Variants in AGAP1 observed in about 807,000 individuals in gnomAD.
AGAP1 encodes arf-GAP with GTPase, ANK repeat and PH domain-containing protein 1.
AGAP1 carries 29 observed loss-of-function variants against 105.3 expected under a neutral mutation model. The ratio of observed to expected loss-of-function variants is 0.28; its 90% confidence interval spans 0.21 to 0.38. AGAP1 has a LOEUF of 0.38. Among genes scored for constraint, AGAP1 ranks in the 10% least tolerant of loss-of-function variants. AGAP1 has a pLI of 1.00. For synonymous variants in AGAP1, 509 were observed against 485.9 expected, an observed-to-expected ratio of 1.05 and a Z score of -0.63; for missense variants, 998 against 1,165.1, an observed-to-expected ratio of 0.86 and a Z score of 2.09.
At chr2:235,726,750 T>C (rs1463217239) in intron 3 of AGAP1, among the ~76,000 whole-genome samples, 1 of 152,184 alleles carries the variant, frequency 6.6e-6, no homozygotes, top group Non-Finnish European at 1.5e-5. Context: ...CAATGCTCTT[T>C]TGGTTGCATG....
In AGAP1 at chr2:236,048,278, A is replaced by T. The variant is rs1319590819; in HGVS notation, c.1892-781A>T. On this transcript the variant is annotated intron_variant, in intron 15 of 17. Transcript: ENST00000304032. ...CTGATGATGCCAGCCAGTTTCACGC[A>T]GTGAGTGCTCCAGTTCTGGGGTCCC... Among the ~76,000 whole-genome samples the T allele has an allele frequency of 7.2e-5, 11 of 152,226 alleles. No homozygotes were observed. The East Asian group carries it at 1.9e-3, about 27-fold the overall frequency.
chr2:235,774,186 A>C (rs1456188629), intron 6 of AGAP1: 1 of 379,734 alleles, frequency 2.6e-6, no homozygotes, highest in African/African-American at 2.1e-5. Context: ...GATATTATAG[A>C]CATTTCTTCT....
chr2:235,947,319 A>C (rs1473698842), intron 12 of AGAP1, among the ~76,000 whole-genome samples: 1 of 152,180 alleles, frequency 6.6e-6, no homozygotes, highest in Non-Finnish European at 1.5e-5. Flanking sequence ...GTCAGAGCAT[A>C]CCATGTTTGG....
intron 13 of AGAP1, among the ~76,000 whole-genome samples, chr2:236,017,467 G>A (rs2056745069): frequency 1.3e-5 from 1 of 75,464 alleles, no homozygotes; most frequent in Admixed American, 9.9e-5. Flanking sequence ...TTAACCTCAC[G>A]TCGTGTTACA....
chr2:236,070,377 A>G (rs2058465158), intron 16 of AGAP1, among the ~76,000 whole-genome samples: 1 of 152,208 alleles, frequency 6.6e-6, no homozygotes, highest in African/African-American at 2.4e-5. Flanking sequence ...CTATAAAGTT[A>G]TGAGTTCCTC....
chr2:235,970,284 T>G lies in AGAP1; in HGVS notation c.1645+1661T>G, dbSNP rs1575927439. ...GATAATCCCATTAAGTCAGCGATGG[T>G]GGAAAATAATGGTTATGGGTCAGAG... On this transcript the variant is annotated intron_variant, in intron 13 of 17. Coordinates refer to ENST00000304032, the MANE Select transcript of AGAP1 (RefSeq NM_001037131.3). The surrounding 1 kb of genome is among the most constrained non-coding windows in gnomAD (Gnocchi z 5.4). 6.8e-6 allele frequency among the ~76,000 whole-genome samples: 1 copy of G among 147,122 alleles called. No individual in the cohort carries two copies. The highest frequency in any genetic ancestry group is 1.5e-5 in the Non-Finnish European group (1 of 66,972).
intron 1 of AGAP1, among the ~76,000 whole-genome samples, chr2:235,538,427 ATGTGTGTGTGTGTGTGTG>A (rs57515821): frequency 2.2e-4 from 30 of 135,334 alleles, no homozygotes; most frequent in Non-Finnish European, 4.1e-4. Flanking sequence ...CTCAGCCACT[ATGTGTGTGTGTGTGTGTG>A]TGTGTGTGTG....
At chr2:235,654,785 A>G (rs1273634640) in intron 1 of AGAP1, among the ~76,000 whole-genome samples, 1 of 152,194 alleles carries the variant, frequency 6.6e-6, no homozygotes, top group Admixed American at 6.5e-5. Context: ...AAAGGTCTCC[A>G]TCACTAGTCT....
At position 235,787,363 on chromosome 2, in the gene AGAP1, A is replaced by G. The variant is rs1217893257; in HGVS notation, c.674-10396A>G. 6.6e-6 allele frequency among the ~76,000 whole-genome samples: 1 copy of G among 152,204 alleles called. No homozygotes were observed. The highest frequency in any genetic ancestry group is 2.4e-5 in the African/African-American group (1 of 41,442). ...TAAGTGCCTCTTCTATGTCTGTGCA[A>G]CATTCATTAATTTCTCAGTATTTCC... On this transcript the variant is annotated intron_variant, in intron 6 of 17. Coordinates refer to ENST00000304032, the MANE Select transcript of AGAP1 (RefSeq NM_001037131.3). This position sits in a 1 kb window ranked among gnomAD's most constrained non-coding sequence, Gnocchi z 4.4.
At chr2:235,541,738 C>CT (rs1943449282) in intron 1 of AGAP1, among the ~76,000 whole-genome samples, 1 of 152,166 alleles carries the variant, frequency 6.6e-6, no homozygotes, top group South Asian at 2.1e-4. Context: ...ATCTGAATCT[C>CT]TATCTCATTA....
chr2:235,504,095 G>A (rs1202909024), intron 1 of AGAP1, among the ~76,000 whole-genome samples: 1 of 151,840 alleles, frequency 6.6e-6, no homozygotes, highest in East Asian at 1.9e-4. Context: ...TGTTGCCTTG[G>A]CCTCCCTAAG....
At position 236,040,710 on chromosome 2, in the gene AGAP1, G is replaced by T; in HGVS notation, c.1801-41G>T. 2 of 1,599,474 alleles carry T rather than the reference G, an allele frequency of 1.3e-6. No homozygotes were observed. Among genetic ancestry groups the T allele is most frequent in the Non-Finnish European group, 1.7e-6 (2 of 1,168,908 alleles). ...TTATCAGTGATGTGCGTTTCTCCCG[G>T]GGTGCTTACGCCTTGTATTTGTGTC... On this transcript the variant is annotated intron_variant, in intron 14 of 17. Transcript: ENST00000304032. The surrounding 1 kb of genome is among the most constrained non-coding windows in gnomAD (Gnocchi z 5.6).
intron 9 of AGAP1, among the ~76,000 whole-genome samples, chr2:235,832,555 C>T (rs1176110812): frequency 3.3e-5 from 5 of 152,194 alleles, no homozygotes; most frequent in African/African-American, 9.7e-5. Flanking sequence ...GAATGGGTGA[C>T]ATTTTATAAG....
chr2:235,838,819 CCT>C (rs997152948), intron 9 of AGAP1, among the ~76,000 whole-genome samples: 3 of 152,164 alleles, frequency 2.0e-5, no homozygotes, highest in Admixed American at 1.3e-4. Flanking sequence ...GAACAGAAAG[CCT>C]CTCTCTCTGA....
chr2:235,559,592 C>T lies in AGAP1; in HGVS notation c.163+64743C>T, dbSNP rs1172342699. Among the ~76,000 whole-genome samples the T allele has an allele frequency of 6.6e-6, 1 of 152,156 alleles. No individual in the cohort carries two copies. The highest frequency in any genetic ancestry group is 2.4e-5 in the African/African-American group (1 of 41,428). On this transcript the variant is annotated intron_variant, in intron 1 of 17. Coordinates refer to ENST00000304032, the MANE Select transcript of AGAP1 (RefSeq NM_001037131.3). The surrounding 1 kb of genome is among the most constrained non-coding windows in gnomAD (Gnocchi z 5.7). ...CCTCATGATCCCTCATCCAGATCCC[C>T]AGACGTGACCACTGTTATGTGGTTA...
intron 6 of AGAP1, among the ~76,000 whole-genome samples, chr2:235,755,388 GAAA>G (rs1013334333): frequency 6.6e-6 from 1 of 152,182 alleles, no homozygotes; most frequent in Non-Finnish European, 1.5e-5. Flanking sequence ...AAGGATTACA[GAAA>G]AATAAAGTTC....
rs992517845 is a variant in AGAP1 at position 235,720,760 on chromosome 2, T to C, written c.310+3116T>C. 4.1e-6 allele frequency: 4 copies of C among 964,904 alleles called. No individual in the cohort carries two copies. The highest frequency in any genetic ancestry group is 4.9e-6 in the Non-Finnish European group (4 of 811,354). 59.8% of individuals were successfully genotyped at this position (964,904 alleles called of 1,614,324 possible). A position where few individuals can be genotyped will look rare whatever the true frequency, so the allele number is the denominator to read the frequency against. ...AATCCTGACCCGTGGCTGGGATATG[T>C]AGACTGCTGGGAGGGGTGAGGGTGA... is the stretch of plus-strand genomic sequence containing the variant. On this transcript the variant is annotated intron_variant, in intron 3 of 17. Coordinates refer to ENST00000304032, the MANE Select transcript of AGAP1 (RefSeq NM_001037131.3). This position sits in a 1 kb window ranked among gnomAD's most constrained non-coding sequence, Gnocchi z 5.0.
rs2059581270 is a variant in AGAP1 at position 236,109,130 on chromosome 2, G to A, written c.2115-11062G>A. Among the ~76,000 whole-genome samples, 1 of 152,046 alleles carries A rather than the reference G, an allele frequency of 6.6e-6. No individual in the cohort carries two copies. Among genetic ancestry groups the A allele is most frequent in the South Asian group, 2.1e-4 (1 of 4,824 alleles). On this transcript the variant is annotated intron_variant, in intron 16 of 17. Transcript: ENST00000304032. The surrounding 1 kb of genome is among the most constrained non-coding windows in gnomAD (Gnocchi z 5.4). ...TCTCTGAAGGTAGTTGTGTGTAGGT[G>A]TGACTCTCCCCGCGCTCTCCAGGTG...
intron 1 of AGAP1, among the ~76,000 whole-genome samples, chr2:235,702,064 C>A (rs1950283537): frequency 6.6e-6 from 1 of 152,102 alleles, no homozygotes; most frequent in African/African-American, 2.4e-5. Context: ...ATTTCAGGTT[C>A]CTTTTTTTAG....
Sources: allele counts gnomAD v4.1 joint callset (sites outside exome capture counted in the v4.1 genomes callset), GRCh38; gene constraint gnomAD v4.1.1; non-coding constraint Gnocchi (gnomAD v3.1); transcripts MANE v1.5; gene names NCBI Gene and HGNC (gene_info 2026-07-23, HGNC 2026-07-21).